Variants in KLF13 observed in about 807,000 individuals in gnomAD.
The protein encoded by KLF13 is Krueppel-like factor 13.
In KLF13, 8 loss-of-function variants were observed where a neutral mutation model predicts 16.7. That is an observed-to-expected ratio of 0.48 (90% confidence interval 0.28 to 0.87). The LOEUF is 0.87. Among genes scored for constraint, KLF13 ranks in the 40% least tolerant of loss-of-function variants. KLF13 has a pLI of 0.10. For synonymous variants in KLF13, 245 were observed against 208.4 expected, an observed-to-expected ratio of 1.18 and a Z score of -1.51; for missense variants, 447 against 452.2, an observed-to-expected ratio of 0.99 and a Z score of 0.10.
chr15:31,392,433 G>A (rs2039884918), upstream of KLF13, among the ~76,000 whole-genome samples: 1 of 152,154 alleles, frequency 6.6e-6, no homozygotes, highest in Non-Finnish European at 1.5e-5. Flanking sequence ...CCCAGGCCAC[G>A]CCCCTCCTGA....
At chr15:31,346,940 T>C (rs1276450566) in intron 1 of KLF13, among the ~76,000 whole-genome samples, 1 of 152,000 alleles carries the variant, frequency 6.6e-6, no homozygotes, top group African/African-American at 2.4e-5. Flanking sequence ...AGGGGCAGCG[T>C]AGGGTCCTGA....
intron 1 of KLF13, chr15:31,420,684 T>G (rs558855809): frequency 1.3e-4 from 42 of 331,396 alleles, no homozygotes; most frequent in South Asian, 6.6e-4. Flanking sequence ...GACTGTCCTT[T>G]TTTTTTCTTT....
intron 1 of KLF13, among the ~76,000 whole-genome samples, chr15:31,383,256 GC>G (rs1345829188): frequency 6.6e-6 from 1 of 152,212 alleles, no homozygotes; most frequent in African/African-American, 2.4e-5. Context: ...TCGACTGTTG[GC>G]CTGTGGGGGC....
chr15:31,362,942 C>G (rs2039412400), intron 1 of KLF13, among the ~76,000 whole-genome samples: 1 of 152,184 alleles, frequency 6.6e-6, no homozygotes, highest in Non-Finnish European at 1.5e-5. Context: ...TTGACAGGCC[C>G]CAGTGGAAGG....
chr15:31,353,045 C>T, intron 1 of KLF13, among the ~76,000 whole-genome samples: 1 of 152,326 alleles, frequency 6.6e-6, no homozygotes, highest in Non-Finnish European at 1.5e-5. Flanking sequence ...GTGGGCCTTC[C>T]AGGGGAGGAG....
intron 1 of KLF13, among the ~76,000 whole-genome samples, chr15:31,416,289 C>T (rs995168891): frequency 6.6e-5 from 10 of 151,962 alleles, no homozygotes; most frequent in Non-Finnish European, 1.2e-4. Context: ...GAACACTCTC[C>T]AACTCATTAT....
intron 1 of KLF13, among the ~76,000 whole-genome samples, chr15:31,356,851 G>GA (rs2039308299): frequency 1.3e-5 from 2 of 152,174 alleles, no homozygotes; most frequent in South Asian, 4.1e-4. Flanking sequence ...TTGGAGGTGT[G>GA]CACGTGTGTG....
chr15:31,327,466 A>C lies in KLF13; in HGVS notation c.254A>C (p.Glu85Ala). Residue 85 changes from glutamate to alanine, a missense_variant, in exon 1 of 2, where the codon GAG (glutamate) becomes GCG (alanine). Coordinates refer to ENST00000307145, the MANE Select transcript of KLF13 (RefSeq NM_015995.4). ...GCGCCCGCCCCGGCGGAGCGCAGGGAGGGCGCCGCGGCCCGGAAGGCGAGG... is the reference window on the plus strand; with the variant it reads ...GCGCCCGCCCCGGCGGAGCGCAGGGCGGGCGCCGCGGCCCGGAAGGCGAGG... The part of the protein sequence containing the change: ...APAPAPAERR[E>A]GAAARKARTP... The C allele has an allele frequency of 9.1e-7, 1 of 1,097,408 alleles. No individual in the cohort carries two copies. 68.0% of individuals were successfully genotyped at this position (1,097,408 alleles called of 1,614,324 possible).
At chr15:31,398,869 G>A (rs565944954) in intron 2 of KLF13, among the ~76,000 whole-genome samples, 12 of 152,276 alleles carry the variant, frequency 7.9e-5, no homozygotes, top group East Asian at 3.9e-4. Flanking sequence ...CCCTACAGTC[G>A]CCTAGTGCTC....
intron 1 of KLF13, among the ~76,000 whole-genome samples, chr15:31,385,492 C>T (rs1385104795): frequency 3.3e-5 from 5 of 152,180 alleles, no homozygotes; most frequent in East Asian, 1.9e-4. Context: ...TGCCATTTTT[C>T]CAACAGCACA....
At chr15:31,416,034 A>G (rs2040250391) in intron 1 of KLF13, among the ~76,000 whole-genome samples, 1 of 152,178 alleles carries the variant, frequency 6.6e-6, no homozygotes, top group African/African-American at 2.4e-5. Flanking sequence ...AAGAAATGCT[A>G]TGAACAATTG....
At chr15:31,351,280 T>C (rs1181537818) in intron 1 of KLF13, among the ~76,000 whole-genome samples, 1 of 152,244 alleles carries the variant, frequency 6.6e-6, no homozygotes, top group East Asian at 1.9e-4. Context: ...TTAAGGATGA[T>C]TTGAGAAACA....
rs1177552542 is a variant in KLF13 at position 31,377,047 on chromosome 15, G to C, written c.*4748G>C. On this transcript the variant is annotated 3_prime_UTR_variant, in exon 2 of 2. Transcript: ENST00000307145. ...AGCTTTCTTAAGGCCTCAGGGTCCT[G>C]TTTTCCCTGGCCTCTTCTAGAGGGC... 6.6e-6 allele frequency: 1 copy of C among 152,184 alleles called. No individual in the cohort carries two copies. The highest frequency in any genetic ancestry group is 1.5e-5 in the Non-Finnish European group (1 of 68,046). 9.4% of individuals were successfully genotyped at this position (152,184 alleles called of 1,614,324 possible).
intron 1 of KLF13, 147 bp from the exon 2 acceptor site, chr15:31,371,863 A>G: frequency 1.1e-6 from 1 of 926,356 alleles, no homozygotes; most frequent in South Asian, 1.7e-5. Flanking sequence ...CTCTGCCTTG[A>G]TGGATTTGTC....
At chr15:31,328,352 C>T (rs932789807) in intron 1 of KLF13, among the ~76,000 whole-genome samples, 5 of 151,980 alleles carry the variant, frequency 3.3e-5, no homozygotes, top group Non-Finnish European at 7.4e-5. Context: ...TGTAATTTTT[C>T]CAGCGCTCTA....
downstream of KLF13, among the ~76,000 whole-genome samples, chr15:31,380,349 C>T (rs2039708681): frequency 6.6e-6 from 1 of 152,204 alleles, no homozygotes; most frequent in African/African-American, 2.4e-5. Flanking sequence ...GGCCTGTAGG[C>T]AGTGAGCACC....
At chr15:31,432,670 G>T (rs937189969) in intron 1 of KLF13, among the ~76,000 whole-genome samples, 3 of 151,588 alleles carry the variant, frequency 2.0e-5, no homozygotes, top group Non-Finnish European at 2.9e-5. Context: ...GGCTAGTCTT[G>T]AACTCCTGGA....
chr15:31,330,652 C>T (rs1433600761), intron 1 of KLF13, among the ~76,000 whole-genome samples: 2 of 152,232 alleles, frequency 1.3e-5, no homozygotes, highest in East Asian at 3.8e-4. Context: ...ATGCTAAGAG[C>T]TTTCTGTCCT....
At chr15:31,369,454 T>C (rs1189682008) in intron 1 of KLF13, among the ~76,000 whole-genome samples, 1 of 152,266 alleles carries the variant, frequency 6.6e-6, no homozygotes, top group African/African-American at 2.4e-5. Flanking sequence ...TCTTGACCCA[T>C]AATCATGAGG....
Sources: gnomAD v4.1 joint callset for allele counts (sites outside exome capture counted in the v4.1 genomes callset) on GRCh38, gnomAD v4.1.1 for gene constraint, MANE v1.5 for transcripts, NCBI Gene and HGNC (gene_info 2026-07-23, HGNC 2026-07-21) for gene names.